Variants in F5 observed in about 807,000 individuals in gnomAD.
F5 encodes coagulation factor V.
A neutral mutation model predicts 216.4 loss-of-function variants in F5; 138 were observed. The ratio of observed to expected loss-of-function variants is 0.64; its 90% CI spans 0.56 to 0.73. The LOEUF (loss-of-function observed/expected upper bound fraction) is 0.73, where lower values mean the gene tolerates loss of function less well. F5 is among the 30% of genes least tolerant of loss of function. The pLI is 0.00. For synonymous variants in F5, 916 were observed against 930.7 expected (o/e 0.98, Z 0.29); for missense variants, 2,403 against 2,674.0 (o/e 0.90, Z 2.24).
At chr1:169,582,548 T>G (rs1661014090) in intron 1 of F5, 26 bp from the exon 2 acceptor site, 1 of 1,259,178 alleles carries the variant, frequency 7.9e-7, no homozygotes, top group Admixed American at 1.8e-5. Context: ...AAAAACTAAT[T>G]TGAAAGGCAT....
chr1:169,539,906 G>T (rs191287379), intron 13 of F5, among the ~76,000 whole-genome samples: 4 of 152,292 alleles, frequency 2.6e-5, no homozygotes, highest in Admixed American at 2.6e-4. Flanking sequence ...GCAAAAAGGA[G>T]ATTTCTACAT....
Position 169,560,775 on chromosome 1 carries a change from G to C in F5, c.374-9C>G. 3 of 1,611,446 alleles carry C rather than the reference G, an allele frequency of 1.9e-6. No homozygotes were observed. Among genetic ancestry groups the C allele is most frequent in the Non-Finnish European group, 2.5e-6 (3 of 1,179,384 alleles). The stretch of plus-strand genomic sequence containing the variant: ...GTCAAGGTAAGAAGCACCTGGAGGA[G>C]TAACAGCCATCAAGACATGTGGGCA... On this transcript the variant is annotated splice_polypyrimidine_tract_variant and intron_variant, in intron 3 of 24. Coordinates refer to ENST00000367797, the MANE Select transcript of F5 (RefSeq NM_000130.5).
Position 169,514,324 on chromosome 1 carries a change from C to T in F5, c.6664G>A (p.Asp2222Asn), listed in dbSNP as rs762635509. 2.5e-6 allele frequency: 4 copies of T among 1,613,224 alleles called. No homozygotes were observed. The highest frequency in any genetic ancestry group is 3.4e-6 in the Non-Finnish European group (4 of 1,179,476). ...TTGAATGTTCAATTCTAGTAAATAT[C>T]ACAGCCAAAGAGTTCCAGGCGAAGT... is the stretch of plus-strand genomic sequence containing the variant. The part of the protein sequence containing the change: ...IALRLELFGC[D>N]IY Residue 2222 changes from aspartate (D) to asparagine (N), a missense_variant, in exon 25 of 25, where the codon GAT (aspartate) becomes AAT (asparagine). Physicochemically the swap from Asp to Asn is conservative, Grantham distance 23. Coordinates refer to ENST00000367797, the MANE Select transcript of F5 (RefSeq NM_000130.5).
At chr1:169,578,563 C>A (rs1660914756) in intron 2 of F5, among the ~76,000 whole-genome samples, 1 of 152,188 alleles carries the variant, frequency 6.6e-6, no homozygotes, top group Admixed American at 6.5e-5. Context: ...AAAGGTACAC[C>A]TTCAAATACC....
intron 7 of F5, among the ~76,000 whole-genome samples, chr1:169,553,288 G>A (rs1242518086): frequency 2.6e-5 from 4 of 152,138 alleles, no homozygotes; most frequent in African/African-American, 9.7e-5. Context: ...AATACTTTGG[G>A]AGCAGAAACA....
intron 10 of F5, 86 bp downstream of exon 10, chr1:169,549,715 C>T: frequency 4.4e-6 from 4 of 903,370 alleles, no homozygotes; most frequent in South Asian, 2.8e-5. Context: ...GAAGGAAATG[C>T]CCCATTATTT....
Position 169,572,357 on chromosome 1 carries a change from T to C in F5, c.251-14A>G. 6.2e-7 allele frequency: 1 copy of C among 1,612,652 alleles called. No homozygotes were observed. Among genetic ancestry groups the C allele is most frequent in the Non-Finnish European group, 8.5e-7 (1 of 1,179,418 alleles). ...GCCCAAGAAGTCCTGTGAAAACAAA[T>C]ATTTAAACTATGTCTGTATTCAGGG... On this transcript the variant is annotated splice_polypyrimidine_tract_variant and intron_variant, in intron 2 of 24. Coordinates refer to ENST00000367797, the MANE Select transcript of F5 (RefSeq NM_000130.5).
rs201439832 is a variant in F5, at chr1:169,572,312, G to A, written c.282C>T (p.Val94=). ...TAAAGTGAACTTTTATGATGTCTCCGACTTCAGCATATAAAGTAGGCCCAA... is the reference window on the plus strand; with the variant it reads ...TAAAGTGAACTTTTATGATGTCTCCAACTTCAGCATATAAAGTAGGCCCAA... The part of the protein sequence containing the change: ...GLLGPTLYAE[V]GDIIKVHFKN... The change falls in exon 3 of 25, where the codon GTC becomes GTT. Residue 94 remains valine (V), a synonymous_variant. Transcript: ENST00000367797. The A allele has an allele frequency of 5.6e-6, 9 of 1,612,966 alleles. No individual in the cohort carries two copies. The highest frequency in any genetic ancestry group is 1.3e-5 in the African/African-American group (1 of 74,796).
chr1:169,555,134 G>A (rs972906246), intron 7 of F5, 48 bp downstream of exon 7: 2 of 1,606,238 alleles, frequency 1.2e-6, no homozygotes, highest in African/African-American at 1.3e-5. Flanking sequence ...GGACCCTATG[G>A]AATGTGTCTT....
Position 169,542,144 on chromosome 1 carries a change from C to T in F5, c.2946G>A (p.Trp982Ter). 6.2e-7 allele frequency: 1 copy of T among 1,614,030 alleles called. No individual in the cohort carries two copies. Among genetic ancestry groups the T allele is most frequent in the Non-Finnish European group, 8.5e-7 (1 of 1,179,984 alleles). The part of the protein sequence containing the change: ...LISPQNASRA[W>*]GESTPLANKP... ...TGTTGGCAAGAGGGGTGCTTTCTCC[C>T]CAAGCACGTGAGGCATTCTGGGGGC... The change falls in exon 13 of 25, where the codon TGG (tryptophan) becomes TGA (stop). Residue 982 changes from tryptophan to a stop codon, truncating the protein, a stop_gained. Transcript: ENST00000367797. LOFTEE classifies it high-confidence loss of function.
At chr1:169,572,797 G>A (rs1291196481) in intron 2 of F5, among the ~76,000 whole-genome samples, 2 of 152,160 alleles carry the variant, frequency 1.3e-5, no homozygotes, top group East Asian at 3.9e-4. Context: ...GGCAGGAGTA[G>A]TCTTGATGTA....
chr1:169,527,987 GA>G lies in F5; in HGVS notation c.5526del (p.His1843ThrfsTer17). ...TCCAGCAAGGTCTGGCCGTGAAAGT[GA>G]ACCACGTGAATGTCTTGGGAGCCGC... ...NIGGSQDIHV[V>X]HFHGQTLLEN... On this transcript the variant is annotated frameshift_variant, in exon 17 of 25. Transcript: ENST00000367797. LOFTEE classifies it high-confidence loss of function. 6.2e-7 allele frequency: 1 copy of G among 1,613,878 alleles called. No individual in the cohort carries two copies. The highest frequency in any genetic ancestry group is 8.5e-7 in the Non-Finnish European group (1 of 1,179,868).
At chr1:169,558,862 C>G (rs1265810989) in intron 5 of F5, among the ~76,000 whole-genome samples, 1 of 152,096 alleles carries the variant, frequency 6.6e-6, no homozygotes, top group African/African-American at 2.4e-5. Flanking sequence ...AGAGGAACTG[C>G]AGAACTCGGA....
intron 8 of F5, 91 bp from the exon 9 acceptor site, chr1:169,550,830 GGT>G (rs1660151454): frequency 8.3e-6 from 8 of 961,180 alleles, no homozygotes; most frequent in Admixed American, 1.8e-5. Flanking sequence ...CCTTTTGGAT[GGT>G]GTGTGTGTAT....
Position 169,542,114 on chromosome 1 carries a change from A to G in F5, c.2976T>C (p.Pro992=), listed in dbSNP as rs758883604. The G allele has an allele frequency of 1.2e-5, 19 of 1,614,058 alleles. No homozygotes were observed. In the South Asian group the frequency reaches 2.0e-4, roughly 17 times the overall value. The change falls in exon 13 of 25, where the codon CCT becomes CCC. Residue 992 remains proline, a synonymous_variant. Transcript: ENST00000367797. ...WGESTPLANK[P]GKQSGHPKFP... ...ACTTTGGGTGGCCACTCTGCTTTCC[A>G]GGCTTGTTGGCAAGAGGGGTGCTTT...
chr1:169,559,119 A>T (rs1348088674), intron 5 of F5, 34 bp downstream of exon 5: 2 of 1,612,778 alleles, frequency 1.2e-6, no homozygotes, highest in Non-Finnish European at 1.7e-6. Context: ...TAATGATTTT[A>T]CTGTTGTTTA....
intron 7 of F5, among the ~76,000 whole-genome samples, chr1:169,554,129 A>AC (rs1660252923): frequency 6.6e-6 from 1 of 151,464 alleles, no homozygotes; most frequent in Non-Finnish European, 1.5e-5. Flanking sequence ...TACAGTGAAA[A>AC]CTCTCACTTT....
intron 22 of F5, 53 bp from the exon 23 acceptor site, chr1:169,518,616 C>T: frequency 4.5e-6 from 7 of 1,549,600 alleles, no homozygotes; most frequent in Non-Finnish European, 6.2e-6. Flanking sequence ...CCCTGCATGG[C>T]TTCATGCACT....
chr1:169,541,703 T>C lies in F5; in HGVS notation c.3387A>G (p.Thr1129=), dbSNP rs1185885904. Residue 1129 remains threonine (T), a synonymous_variant, in exon 13 of 25, where the codon ACA becomes ACG. Coordinates refer to ENST00000367797, the MANE Select transcript of F5 (RefSeq NM_000130.5). The part of the protein sequence containing the change: ...QTVPPEEHYQ[T]FPIQDPDQMH... ...TTTGATCAGGGTCTTGAATGGGGAA[T>C]GTTTGATAGTGTTCCTCTGGGGGCA... is the stretch of plus-strand genomic sequence containing the variant. 1 of 1,613,878 alleles carries C rather than the reference T, an allele frequency of 6.2e-7. No homozygotes were observed. Among genetic ancestry groups the C allele is most frequent in the African/African-American group, 1.3e-5 (1 of 74,894 alleles).
Sources: allele counts gnomAD v4.1 joint callset (sites outside exome capture counted in the v4.1 genomes callset), GRCh38; gene constraint gnomAD v4.1.1; transcripts MANE v1.5; gene names NCBI Gene and HGNC (gene_info 2026-07-23, HGNC 2026-07-21).